PTPRD: variants seen among roughly 807,000 people sequenced by gnomAD.
PTPRD encodes the protein protein tyrosine phosphatase receptor type D.
In PTPRD, 34 loss-of-function variants were observed where a neutral mutation model predicts 214.5. The ratio of observed to expected loss-of-function variants is 0.16; its 90% CI spans 0.12 to 0.21. PTPRD has a LOEUF of 0.21. Ranked by LOEUF, PTPRD falls within the 10% of genes least tolerant of loss-of-function variation. The pLI, the probability that PTPRD is intolerant of heterozygous loss-of-function variation, is 1.00. For missense variants in PTPRD, 2,545 were observed against 2,398.7 expected (o/e 1.06, Z -1.27); for synonymous variants, 1,128 against 845.7 (o/e 1.33, Z -5.79).
chr9:9,039,045 G>C (rs1296091184), intron 10 of PTPRD, among the ~76,000 whole-genome samples: 1 of 152,020 alleles, frequency 6.6e-6, no homozygotes, highest in Non-Finnish European at 1.5e-5. Flanking sequence ...AATAAAACAA[G>C]GTTGTGTTTT....
chr9:9,900,614 G>C (rs1000882631), intron 5 of PTPRD, among the ~76,000 whole-genome samples: 3 of 146,944 alleles, frequency 2.0e-5, no homozygotes, highest in Admixed American at 1.3e-4. Context: ...CTGTTACCCA[G>C]TTCCAAAGGT....
intron 11 of PTPRD, among the ~76,000 whole-genome samples, chr9:8,881,197 T>C (rs1270748584): frequency 6.6e-6 from 1 of 152,208 alleles, no homozygotes; most frequent in Admixed American, 6.5e-5. Flanking sequence ...GGGAAAGAAA[T>C]CAAATGTATT....
chr9:9,460,175 C>T (rs772912895), intron 8 of PTPRD, among the ~76,000 whole-genome samples: 5 of 151,840 alleles, frequency 3.3e-5, no homozygotes, highest in Admixed American at 6.6e-5. Context: ...CTATTTCTCA[C>T]GATATAAAAA....
At chr9:9,158,861 T>C (rs1340178350) in intron 10 of PTPRD, among the ~76,000 whole-genome samples, 4 of 152,178 alleles carry the variant, frequency 2.6e-5, no homozygotes, top group Non-Finnish European at 4.4e-5. Context: ...TCATTCACCA[T>C]GATCAAGTGG....
intron 2 of PTPRD, among the ~76,000 whole-genome samples, chr9:10,347,334 T>C (rs867901673): frequency 6.6e-6 from 1 of 152,152 alleles, no homozygotes; most frequent in Non-Finnish European, 1.5e-5. Flanking sequence ...GTTTCAGGTA[T>C]ATGTGATAAT....
intron 34 of PTPRD, among the ~76,000 whole-genome samples, chr9:8,442,757 T>C (rs184002445): frequency 2.0e-5 from 3 of 152,294 alleles, no homozygotes; most frequent in East Asian, 3.9e-4. Flanking sequence ...CACAAACTAA[T>C]GATAAATTAA....
At chr9:9,461,510 C>T (rs756088585) in intron 8 of PTPRD, among the ~76,000 whole-genome samples, 11 of 151,998 alleles carry the variant, frequency 7.2e-5, no homozygotes, top group South Asian at 2.1e-4. Flanking sequence ...AACAAACACA[C>T]GATATACAAA....
chr9:8,599,613 CTTTTTTTTTTTTTTTTTT>C (rs1172437057), intron 14 of PTPRD, among the ~76,000 whole-genome samples: 2 of 53,428 alleles, frequency 3.7e-5, no homozygotes, highest in African/African-American at 1.4e-4. Flanking sequence ...CCCGCCCACC[CTTTTTTTTTTTTTTTTTT>C]TTTTTTTTTG....
At chr9:9,112,968 CT>C (rs1022842660) in intron 10 of PTPRD, among the ~76,000 whole-genome samples, 33 of 125,672 alleles carry the variant, frequency 2.6e-4, no homozygotes, top group Admixed American at 2.7e-4. Flanking sequence ...CTATTTTTTT[CT>C]TTTTTTTTTG....
chr9:9,576,023 T>C (rs2154306077), intron 7 of PTPRD, among the ~76,000 whole-genome samples: 1 of 152,240 alleles, frequency 6.6e-6, no homozygotes, highest in East Asian at 1.9e-4. Flanking sequence ...GTAGGTGCTC[T>C]ACTGTGTAAC....
chr9:10,087,059 G>C (rs2154194648), intron 3 of PTPRD, among the ~76,000 whole-genome samples: 1 of 150,946 alleles, frequency 6.6e-6, no homozygotes. Context: ...ACAAATTTCT[G>C]GGATAAATAT....
intron 10 of PTPRD, among the ~76,000 whole-genome samples, chr9:9,150,608 C>T (rs1027180883): frequency 1.3e-5 from 2 of 151,584 alleles, no homozygotes; most frequent in Admixed American, 6.6e-5. Context: ...CTGCCTCAGC[C>T]TCTGGGATTA....
chr9:10,465,822 A>G (rs2098989690), intron 2 of PTPRD, among the ~76,000 whole-genome samples: 1 of 152,182 alleles, frequency 6.6e-6, no homozygotes, highest in South Asian at 2.1e-4. Flanking sequence ...CTAACATGGC[A>G]TTTATCAGAA....
At chr9:10,466,552 G>C (rs1457001459) in intron 2 of PTPRD, among the ~76,000 whole-genome samples, 3 of 142,290 alleles carry the variant, frequency 2.1e-5, no homozygotes, top group Non-Finnish European at 4.5e-5. Flanking sequence ...GAACCCAGGA[G>C]GCAGAGGTTG....
chr9:9,167,080 G>A (rs1021850033), intron 10 of PTPRD, among the ~76,000 whole-genome samples: 5 of 152,064 alleles, frequency 3.3e-5, no homozygotes, highest in Admixed American at 6.6e-5. Context: ...ATATGTTAAA[G>A]GTCACATTGT....
chr9:8,709,989 C>A (rs563821925), intron 12 of PTPRD, among the ~76,000 whole-genome samples: 1 of 152,130 alleles, frequency 6.6e-6, no homozygotes, highest in Admixed American at 6.5e-5. Flanking sequence ...CGAACAACTA[C>A]GGACAAATTA....
chr9:10,091,705 G>T (rs1273056230), intron 3 of PTPRD, among the ~76,000 whole-genome samples: 1 of 151,116 alleles, frequency 6.6e-6, no homozygotes, highest in African/African-American at 2.4e-5. Flanking sequence ...TAGAAAGCAG[G>T]GTCATTTATT....
At chr9:10,094,475 C>A (rs2098463148) in intron 3 of PTPRD, among the ~76,000 whole-genome samples, 1 of 150,568 alleles carries the variant, frequency 6.6e-6, no homozygotes, top group Admixed American at 6.6e-5. Flanking sequence ...ATCTAAGAAA[C>A]CAGAGCAACA....
chr9:9,401,676 G>A (rs772441855), intron 8 of PTPRD, among the ~76,000 whole-genome samples: 10 of 151,400 alleles, frequency 6.6e-5, no homozygotes, highest in African/African-American at 1.2e-4. Flanking sequence ...CGTACCCACC[G>A]GAATCGCATC....
Sources: gnomAD v4.1 joint callset for allele counts (sites outside exome capture counted in the v4.1 genomes callset) on GRCh38, gnomAD v4.1.1 for gene constraint, MANE v1.5 for transcripts, NCBI Gene and HGNC (gene_info 2026-07-23, HGNC 2026-07-21) for gene names.